Variants in SLC7A5 observed in about 807,000 individuals in gnomAD.
SLC7A5 encodes the protein large neutral amino acids transporter small subunit 1.
A neutral mutation model predicts 50.2 loss-of-function variants in SLC7A5; 23 were observed. The ratio of observed to expected loss-of-function variants is 0.46; its 90% CI spans 0.33 to 0.65. The LOEUF (loss-of-function observed/expected upper bound fraction) is 0.65. Ranked by LOEUF, SLC7A5 falls within the 30% of genes least tolerant of loss-of-function variation. The pLI, the probability that SLC7A5 is intolerant of heterozygous loss-of-function variation, is 0.02. For synonymous variants in SLC7A5, 393 were observed against 330.6 expected, an observed-to-expected ratio of 1.19 and a Z score of -2.05; for missense variants, 578 against 684.4, an observed-to-expected ratio of 0.84 and a Z score of 1.73.
Position 87,868,973 on chromosome 16 carries a change from C to A in SLC7A5, c.450G>T (p.Leu150=). The A allele has an allele frequency of 3.1e-6, 5 of 1,611,104 alleles. No individual in the cohort carries two copies. The highest frequency in any genetic ancestry group is 4.2e-6 in the Non-Finnish European group (5 of 1,179,650). ...GCTTGAGCAGGTAGGTGGCGAAGAC[C>A]AGGGCCACGATGTACTGCGATGAAG... ...IRPSSQYIVA[L]VFATYLLKPL... is the part of the protein sequence containing the mutation. The change falls in exon 1 of 10, where the codon CTG becomes CTT. Residue 150 remains leucine, a synonymous_variant. Transcript: ENST00000261622.
intron 8 of SLC7A5, among the ~76,000 whole-genome samples, chr16:87,835,636 G>T (rs1277033596): frequency 2.6e-5 from 4 of 152,176 alleles, no homozygotes. Flanking sequence ...ACCACGCCCA[G>T]CTAATTTTTT....
chr16:87,863,499 C>T (rs890683723), intron 1 of SLC7A5: 1 of 152,190 alleles, frequency 6.6e-6, no homozygotes, highest in African/African-American at 2.4e-5. Context: ...GCCAAGTCTT[C>T]GTTAAGCAAT....
intron 7 of SLC7A5, among the ~76,000 whole-genome samples, chr16:87,837,077 C>A (rs1346484306): frequency 6.6e-6 from 1 of 152,376 alleles, no homozygotes; most frequent in South Asian, 2.1e-4. Flanking sequence ...GAGGACCGTG[C>A]AGCTGCCAAA....
intron 1 of SLC7A5, among the ~76,000 whole-genome samples, chr16:87,857,805 T>A (rs1339987055): frequency 6.6e-6 from 1 of 152,036 alleles, no homozygotes; most frequent in Non-Finnish European, 1.5e-5. Context: ...CTTGAACACA[T>A]GTCTTTGTAC....
In SLC7A5 at chr16:87,858,895, A is replaced by G. The variant is rs181982820; in HGVS notation, c.539-7046T>C. ...AAGCTAAGGCCAGGGCCTCTCCCCA[A>G]TCCCGATGGGCTCTGCAGATGCAGT... On this transcript the variant is annotated intron_variant, in intron 1 of 9. Coordinates refer to ENST00000261622, the MANE Select transcript of SLC7A5 (RefSeq NM_003486.7). Among the ~76,000 whole-genome samples, 7 of 152,330 alleles carry G rather than the reference A, an allele frequency of 4.6e-5. No individual in the cohort carries two copies. In the East Asian group the frequency reaches 1.2e-3, roughly 25 times the overall value.
intron 1 of SLC7A5, among the ~76,000 whole-genome samples, chr16:87,866,528 C>T (rs1300578513): frequency 4.0e-5 from 6 of 151,762 alleles, no homozygotes; most frequent in Admixed American, 6.6e-5. Flanking sequence ...TGCAGTGGTG[C>T]GATCTCAGCT....
rs1008526888 is a variant in SLC7A5, at chr16:87,860,154, G to A, written c.539-8305C>T. Among the ~76,000 whole-genome samples, 2 of 151,832 alleles carry A rather than the reference G, an allele frequency of 1.3e-5. No homozygotes were observed. Among genetic ancestry groups the A allele is most frequent in the South Asian group, 2.1e-4 (1 of 4,810 alleles). ...TCGAAACCAGCCTGACCAACATGGT[G>A]AAACCCCCGTCTCTACTAAAAACAC... On this transcript the variant is annotated intron_variant, in intron 1 of 9. Transcript: ENST00000261622. The surrounding 1 kb of genome is among the most constrained non-coding windows in gnomAD (Gnocchi z 4.8).
chr16:87,841,135 G>A lies in SLC7A5; in HGVS notation c.685C>T (p.Pro229Ser). The A allele has an allele frequency of 6.2e-7, 1 of 1,613,250 alleles. No individual in the cohort carries two copies. Among genetic ancestry groups the A allele is most frequent in the Non-Finnish European group, 8.5e-7 (1 of 1,179,324 alleles). ...TTGGTGCCTTCAAATGAGAAGTTGG[G>A]ATCTAGATTGGACACATCACCTGGC... The part of the protein sequence containing the change: ...IGKGDVSNLD[P>S]NFSFEGTKLD... The change falls in exon 3 of 10, where the codon CCC becomes TCC. Residue 229 changes from proline (P) to serine (S), a missense_variant. Physicochemically the swap from Pro to Ser is moderately conservative, Grantham distance 74. This residue lies in a region of SLC7A5 where 465 missense variants were observed against 594.6 expected (regional missense o/e 0.78). Transcript: ENST00000261622. This position sits in a 1 kb window ranked among gnomAD's most constrained non-coding sequence, Gnocchi z 4.8.
At chr16:87,866,242 A>T (rs954131258) in intron 1 of SLC7A5, among the ~76,000 whole-genome samples, 4 of 152,196 alleles carry the variant, frequency 2.6e-5, no homozygotes, top group Non-Finnish European at 5.9e-5. Context: ...AACAAGTTGT[A>T]CATTATGATC....
chr16:87,867,924 G>C (rs2055483449), intron 1 of SLC7A5, among the ~76,000 whole-genome samples: 1 of 152,014 alleles, frequency 6.6e-6, no homozygotes, highest in African/African-American at 2.4e-5. Flanking sequence ...GACCATCCTG[G>C]CTAACACGGT....
intron 1 of SLC7A5, among the ~76,000 whole-genome samples, chr16:87,866,527 G>A (rs1188754361): frequency 6.6e-6 from 1 of 151,982 alleles, no homozygotes; most frequent in African/African-American, 2.4e-5. Context: ...GTGCAGTGGT[G>A]CGATCTCAGC....
chr16:87,837,172 C>T lies in SLC7A5; in HGVS notation c.1141-525G>A, dbSNP rs183357143. ...AAGGGCCAGGACCTCTGAGGCCAGCCCACAGCTGCCAGACCCCAGCTTCCT... is the reference window on the plus strand; with the variant it reads ...AAGGGCCAGGACCTCTGAGGCCAGCTCACAGCTGCCAGACCCCAGCTTCCT... On this transcript the variant is annotated intron_variant, in intron 7 of 9. Coordinates refer to ENST00000261622, the MANE Select transcript of SLC7A5 (RefSeq NM_003486.7). Among the ~76,000 whole-genome samples, 7 of 152,352 alleles carry T rather than the reference C, an allele frequency of 4.6e-5. No individual in the cohort carries two copies. In the East Asian group the frequency reaches 9.6e-4, roughly 21 times the overall value.
intron 1 of SLC7A5, among the ~76,000 whole-genome samples, chr16:87,867,106 G>A (rs1488738244): frequency 6.6e-6 from 1 of 152,042 alleles, no homozygotes; most frequent in Non-Finnish European, 1.5e-5. Context: ...TTTTAGTAGA[G>A]ATGGGGTTTC....
rs1057020563 is a variant in SLC7A5 at position 87,862,161 on chromosome 16, G to C, written c.538+6724C>G. Among the ~76,000 whole-genome samples, 18 of 152,070 alleles carry C rather than the reference G, an allele frequency of 1.2e-4. No homozygotes were observed. The highest frequency in any genetic ancestry group is 2.1e-4 in the Non-Finnish European group (14 of 67,978). On this transcript the variant is annotated intron_variant, in intron 1 of 9. Coordinates refer to ENST00000261622, the MANE Select transcript of SLC7A5 (RefSeq NM_003486.7). The surrounding 1 kb of genome is among the most constrained non-coding windows in gnomAD (Gnocchi z 5.3). Reference sequence around the variant, plus strand: ...TGCTTGATACCCCAGGGGGGCCCTGGAACAGGCCTGGACTGAGAAGCGGGG... The same window carrying C: ...TGCTTGATACCCCAGGGGGGCCCTGCAACAGGCCTGGACTGAGAAGCGGGG...
chr16:87,840,088 C>A (rs1049277630), intron 4 of SLC7A5, among the ~76,000 whole-genome samples: 2 of 152,224 alleles, frequency 1.3e-5, no homozygotes, highest in Admixed American at 1.3e-4. Flanking sequence ...GGGGTGACCT[C>A]AAGGGCTCAG....
chr16:87,869,083 C>G lies in SLC7A5; in HGVS notation c.340G>C (p.Gly114Arg), dbSNP rs2055499139. ...TCCAGCATGTAGGCGTAGTCGCCGC[C>G]CGATTTGGAGATGGTGGTGCCGAGC... ...AELGTTISKS[G>R]GDYAYMLEVY... Residue 114 changes from glycine to arginine, a missense_variant, in exon 1 of 10, where the codon GGC (glycine) becomes CGC (arginine). Coordinates refer to ENST00000261622, the MANE Select transcript of SLC7A5 (RefSeq NM_003486.7). The G allele has an allele frequency of 6.2e-7, 1 of 1,611,738 alleles. No homozygotes were observed. The highest frequency in any genetic ancestry group is 8.5e-7 in the Non-Finnish European group (1 of 1,179,796).
intron 7 of SLC7A5, 24 bp downstream of exon 7, chr16:87,837,821 C>G (rs542824519): frequency 6.3e-7 from 1 of 1,580,850 alleles, no homozygotes; most frequent in Admixed American, 1.8e-5. Flanking sequence ...GGATGTAGGG[C>G]ACAGGGCCGT....
intron 2 of SLC7A5, among the ~76,000 whole-genome samples, chr16:87,844,090 G>A (rs1473216077): frequency 6.6e-6 from 1 of 152,182 alleles, no homozygotes; most frequent in South Asian, 2.1e-4. Flanking sequence ...AAGTGAGGAA[G>A]AGAATCACCG....
chr16:87,839,709 A>G lies in SLC7A5; in HGVS notation c.932T>C (p.Val311Ala). The change falls in exon 5 of 10, where the codon GTG becomes GCG. Residue 311 changes from valine (V) to alanine (A), a missense_variant. This residue lies in a region of SLC7A5 where 465 missense variants were observed against 594.6 expected (regional missense o/e 0.78). Transcript: ENST00000261622. ...STEQMLSSEA[V>A]AVDFGNYHLG... The stretch of plus-strand genomic sequence containing the variant: ...TGGCGGGTAGCGGCTCACCACGGCC[A>G]CGGCCTCGGACGACAGCATCTGCTC... The G allele has an allele frequency of 6.2e-7, 1 of 1,613,340 alleles. No individual in the cohort carries two copies.
Sources: gnomAD v4.1 joint callset for allele counts (sites outside exome capture counted in the v4.1 genomes callset) on GRCh38, gnomAD v4.1.1 for gene constraint, gnomAD v4.1.1 regional missense constraint, Gnocchi (gnomAD v3.1) non-coding constraint, MANE v1.5 for transcripts, NCBI Gene and HGNC (gene_info 2026-07-23, HGNC 2026-07-21) for gene names.